AKAIN1: variants seen among roughly 807,000 people sequenced by gnomAD.
AKAIN1 encodes A-kinase anchor protein inhibitor 1.
A neutral mutation model predicts 3.7 loss-of-function variants in AKAIN1; 3 were observed. The ratio of observed to expected loss-of-function variants is 0.82; its 90% CI spans 0.37 to 2.12. The LOEUF is 2.12. AKAIN1 is among the 30% of genes most tolerant of loss of function. The pLI, the probability that AKAIN1 is intolerant of heterozygous loss-of-function variation, is 0.06. For missense variants in AKAIN1, 82 were observed against 82.7 expected, an observed-to-expected ratio of 0.99 and a Z score of 0.03; for synonymous variants, 31 against 30.8, an observed-to-expected ratio of 1.01 and a Z score of -0.02.
At chr18:5,174,089 C>G (rs2071212540) in intron 1 of AKAIN1, among the ~76,000 whole-genome samples, 1 of 152,122 alleles carries the variant, frequency 6.6e-6, no homozygotes, top group Non-Finnish European at 1.5e-5. Context: ...AGCTTTTCTC[C>G]CATGAACATC....
rs141202721 is a variant in AKAIN1, at chr18:5,176,766, C to T, written c.16+20272G>A. Among the ~76,000 whole-genome samples the T allele has an allele frequency of 3.5e-3, 537 of 152,166 alleles. 3 individuals are homozygous for T. The highest frequency in any genetic ancestry group is 0.012 in the African/African-American group (502 of 41,530). ...TCTCAAGCAACTTTAAGAAAAAACACGATAACAACAAATTCTAATTCTAAG... is the reference window on the plus strand; with the variant it reads ...TCTCAAGCAACTTTAAGAAAAAACATGATAACAACAAATTCTAATTCTAAG... On this transcript the variant is annotated intron_variant, in intron 1 of 1. Transcript: ENST00000434239.
intron 1 of AKAIN1, among the ~76,000 whole-genome samples, chr18:5,184,716 T>G (rs1332635096): frequency 2.6e-5 from 4 of 152,082 alleles, no homozygotes; most frequent in Non-Finnish European, 5.9e-5. Context: ...TGGAAAAACA[T>G]TCCATGCTCA....
intron 1 of AKAIN1, among the ~76,000 whole-genome samples, chr18:5,177,270 TAAGA>T (rs1367398197): frequency 6.6e-6 from 1 of 152,146 alleles, no homozygotes; most frequent in African/African-American, 2.4e-5. Context: ...CCCTATATGA[TAAGA>T]AAGAAATTAT....
Position 5,197,216 on chromosome 18 carries a change from GGCCGCAGCTCCAGCC to G in AKAIN1, c.-178_-164del, listed in dbSNP as rs1366172656. 54 of 1,395,272 alleles carry G rather than the reference GGCCGCAGCTCCAGCC, an allele frequency of 3.9e-5. No individual in the cohort carries two copies. Among genetic ancestry groups the G allele is most frequent in the Middle Eastern group, 5.3e-4 (2 of 3,782 alleles). 86.4% of individuals were successfully genotyped at this position (1,395,272 alleles called of 1,614,324 possible). ...GACAGCTCCCGCCGCTAGATCCTGG[GGCCGCAGCTCCAGCC>G]GCCGCCGCGCGCTCTGCCTCCACAA... On this transcript the variant is annotated 5_prime_UTR_variant, in exon 1 of 2. Transcript: ENST00000434239. The surrounding 1 kb of genome is among the most constrained non-coding windows in gnomAD (Gnocchi z 6.9).
At chr18:5,187,488 G>T (rs573394623) in intron 1 of AKAIN1, among the ~76,000 whole-genome samples, 1 of 152,266 alleles carries the variant, frequency 6.6e-6, no homozygotes, top group Non-Finnish European at 1.5e-5. Context: ...ATCATCCCAT[G>T]GTGGGAAGGT....
At chr18:5,180,601 G>C (rs972217683) in intron 1 of AKAIN1, among the ~76,000 whole-genome samples, 1 of 152,130 alleles carries the variant, frequency 6.6e-6, no homozygotes, top group Non-Finnish European at 1.5e-5. Context: ...AACTTGTATA[G>C]CATGACCTGA....
intron 1 of AKAIN1, among the ~76,000 whole-genome samples, chr18:5,183,582 TA>T (rs149678533): frequency 0.09 from 13,640 of 151,070 alleles, 809 homozygotes; most frequent in East Asian, 0.19. Context: ...AAGCAAAATT[TA>T]AAAAAAAACC....
chr18:5,145,782 A>G (rs752355934), intron 1 of AKAIN1, 27 bp from the exon 2 acceptor site: 7 of 1,527,492 alleles, frequency 4.6e-6, no homozygotes, highest in South Asian at 2.4e-5. Flanking sequence ...AAAGGAGGGG[A>G]AAAGGAGAGA....
At chr18:5,157,710 A>G in intron 1 of AKAIN1, among the ~76,000 whole-genome samples, 1 of 152,036 alleles carries the variant, frequency 6.6e-6, no homozygotes, top group Admixed American at 6.5e-5. Flanking sequence ...TAAAATTATT[A>G]AATTTTTTTC....
chr18:5,156,378 G>A (rs532478793), intron 1 of AKAIN1, among the ~76,000 whole-genome samples: 1 of 152,190 alleles, frequency 6.6e-6, no homozygotes, highest in Non-Finnish European at 1.5e-5. Flanking sequence ...ATCAGAAAGT[G>A]CAAGTCTAGA....
chr18:5,176,256 T>C (rs2071225761), intron 1 of AKAIN1, among the ~76,000 whole-genome samples: 1 of 152,086 alleles, frequency 6.6e-6, no homozygotes, highest in Non-Finnish European at 1.5e-5. Flanking sequence ...CTGGCCAATA[T>C]GGTGAAACCC....
At chr18:5,194,205 A>G (rs998657772) in intron 1 of AKAIN1, among the ~76,000 whole-genome samples, 8 of 152,188 alleles carry the variant, frequency 5.3e-5, no homozygotes, top group African/African-American at 1.7e-4. Context: ...ATGGGCTTCA[A>G]GTAATTAACT....
chr18:5,191,649 T>C (rs1314246677), intron 1 of AKAIN1, among the ~76,000 whole-genome samples: 4 of 151,940 alleles, frequency 2.6e-5, no homozygotes, highest in Admixed American at 2.0e-4. Context: ...CTAAAATTTA[T>C]ATGGAAAGGT....
intron 1 of AKAIN1, among the ~76,000 whole-genome samples, chr18:5,164,971 A>C (rs143904318): frequency 6.6e-6 from 1 of 152,070 alleles, no homozygotes; most frequent in African/African-American, 2.4e-5. Context: ...TGTATAAATA[A>C]CATTTTCCTC....
chr18:5,193,880 A>G (rs1358514150), intron 1 of AKAIN1, among the ~76,000 whole-genome samples: 2 of 152,150 alleles, frequency 1.3e-5, no homozygotes, highest in Non-Finnish European at 2.9e-5. Flanking sequence ...TGGGACAAAT[A>G]TATTTCTCCA....
intron 1 of AKAIN1, among the ~76,000 whole-genome samples, chr18:5,158,205 ACT>A (rs1434939081): frequency 6.6e-6 from 1 of 152,122 alleles, no homozygotes; most frequent in Non-Finnish European, 1.5e-5. Context: ...TGTGAAAGTC[ACT>A]GTTTTCCAGT....
chr18:5,145,840 AG>A, intron 1 of AKAIN1, 85 bp from the exon 2 acceptor site: 1 of 1,192,274 alleles, frequency 8.4e-7, no homozygotes. Context: ...GAAAGATGGG[AG>A]GGAAGAGTGA....
In AKAIN1 at chr18:5,143,985, C is replaced by T. The variant is rs1358185195; in HGVS notation, c.*1577G>A. Among the ~76,000 whole-genome samples the T allele has an allele frequency of 5.3e-5, 8 of 152,210 alleles. No individual in the cohort carries two copies. The highest frequency in any genetic ancestry group is 8.8e-5 in the Non-Finnish European group (6 of 68,042). On this transcript the variant is annotated 3_prime_UTR_variant, in exon 2 of 2. Transcript: ENST00000434239. The stretch of plus-strand genomic sequence containing the variant: ...CTATGTATGCTATGCAATTATATCA[C>T]ATCAGTTATATGACTTTTGGTCGAC...
intron 1 of AKAIN1, among the ~76,000 whole-genome samples, chr18:5,194,634 T>C (rs969847717): frequency 8.5e-5 from 13 of 152,214 alleles, no homozygotes; most frequent in African/African-American, 2.7e-4. Flanking sequence ...AGTTCAGAAC[T>C]GTACCTCAGG....
Sources: gnomAD v4.1 joint callset for allele counts (sites outside exome capture counted in the v4.1 genomes callset) on GRCh38, gnomAD v4.1.1 for gene constraint, Gnocchi (gnomAD v3.1) non-coding constraint, MANE v1.5 for transcripts, NCBI Gene and HGNC (gene_info 2026-07-23, HGNC 2026-07-21) for gene names.